Variants in WWOX observed in about 807,000 individuals in gnomAD.
WWOX encodes WW domain-containing oxidoreductase.
In WWOX, 69 loss-of-function variants were observed where a neutral mutation model predicts 46.2. That is an observed-to-expected ratio of 1.49 (90% confidence interval 1.23 to 1.82). The LOEUF (loss-of-function observed/expected upper bound fraction) is 1.82, where lower values mean the gene tolerates loss of function less well. Ranked by LOEUF, WWOX falls within the 40% of genes most tolerant of loss-of-function variation. The probability of loss-of-function intolerance (pLI) is 0.00; values close to 1 mark genes in which losing one functional copy is unlikely to be tolerated. For synonymous variants in WWOX, 359 were observed against 202.6 expected, an observed-to-expected ratio of 1.77 and a Z score of -6.56; for missense variants, 919 against 542.6, an observed-to-expected ratio of 1.69 and a Z score of -6.89.
chr16:78,844,360 T>C (rs1314520335), intron 8 of WWOX, among the ~76,000 whole-genome samples: 1 of 152,184 alleles, frequency 6.6e-6, no homozygotes, highest in Non-Finnish European at 1.5e-5. Flanking sequence ...TTATCTACCA[T>C]ATGCCTGGGA....
At chr16:78,210,398 C>G (rs72806824) in intron 5 of WWOX, among the ~76,000 whole-genome samples, 8,933 of 152,202 alleles carry the variant, frequency 0.059, 329 homozygotes, top group Non-Finnish European at 0.08. Context: ...AGGCTAATGA[C>G]AAAGCCCTGC....
intron 8 of WWOX, among the ~76,000 whole-genome samples, chr16:78,702,116 ATATATATT>A (rs1567501861): frequency 3.9e-5 from 5 of 128,742 alleles, no homozygotes; most frequent in African/African-American, 1.1e-4. Flanking sequence ...ATATATATAT[ATATATATT>A]TATTTATTTT....
intron 8 of WWOX, among the ~76,000 whole-genome samples, chr16:79,007,309 T>A (rs1240351324): frequency 6.6e-6 from 1 of 152,158 alleles, no homozygotes; most frequent in Non-Finnish European, 1.5e-5. Flanking sequence ...GGAGGGCCCC[T>A]GAGAAACTCT....
intron 8 of WWOX, among the ~76,000 whole-genome samples, chr16:78,710,522 TA>T (rs1325262682): frequency 2.7e-5 from 3 of 109,576 alleles, no homozygotes; most frequent in Non-Finnish European, 3.9e-5. Context: ...ATTTTATATT[TA>T]AAAATATTTA....
chr16:78,381,054 C>G (rs1232905874), intron 5 of WWOX, among the ~76,000 whole-genome samples: 2 of 152,148 alleles, frequency 1.3e-5, no homozygotes, highest in East Asian at 1.9e-4. Context: ...TTCCTGAAGT[C>G]AAGTTGCCAG....
intron 5 of WWOX, among the ~76,000 whole-genome samples, chr16:78,366,942 GTT>G (rs371756150): frequency 3.7e-5 from 5 of 136,162 alleles, no homozygotes; most frequent in Non-Finnish European, 7.9e-5. Context: ...ATTAGCTGGG[GTT>G]TTTTTTTTGT....
chr16:78,173,718 A>T (rs1190705774), intron 5 of WWOX, among the ~76,000 whole-genome samples: 8 of 152,180 alleles, frequency 5.3e-5, no homozygotes, highest in African/African-American at 9.7e-5. Context: ...TGTCCAATGC[A>T]GATCTGTAAA....
chr16:78,584,682 T>C (rs2045150135), intron 8 of WWOX, among the ~76,000 whole-genome samples: 1 of 152,158 alleles, frequency 6.6e-6, no homozygotes, highest in Admixed American at 6.5e-5. Context: ...CAGGCAGGAA[T>C]TTTCCATGTG....
intron 8 of WWOX, among the ~76,000 whole-genome samples, chr16:78,638,414 C>T (rs1371830482): frequency 6.6e-6 from 1 of 152,176 alleles, no homozygotes; most frequent in Non-Finnish European, 1.5e-5. Flanking sequence ...ACCGCTACCA[C>T]CTTCCACCAC....
At chr16:78,861,305 C>T (rs1192814587) in intron 8 of WWOX, among the ~76,000 whole-genome samples, 1 of 152,234 alleles carries the variant, frequency 6.6e-6, no homozygotes, top group African/African-American at 2.4e-5. Context: ...TGCATCCATC[C>T]ATCCACCTAT....
chr16:78,858,255 A>T (rs2052614950), intron 8 of WWOX, among the ~76,000 whole-genome samples: 1 of 150,386 alleles, frequency 6.6e-6, no homozygotes, highest in Non-Finnish European at 1.5e-5. Flanking sequence ...GAAGTTCTTT[A>T]GTGGCGATTT....
chr16:78,698,151 G>C (rs1257552328), intron 8 of WWOX, among the ~76,000 whole-genome samples: 2 of 152,128 alleles, frequency 1.3e-5, no homozygotes, highest in Non-Finnish European at 2.9e-5. Context: ...GAAATTCTTT[G>C]CCCTAGGATG....
At chr16:79,162,889 C>T (rs1446054984) in intron 8 of WWOX, among the ~76,000 whole-genome samples, 3 of 152,214 alleles carry the variant, frequency 2.0e-5, no homozygotes, top group African/African-American at 4.8e-5. Flanking sequence ...TGCTCTCTGC[C>T]TCCTGTTGCT....
At chr16:78,110,892 C>A (rs906824593) in intron 3 of WWOX, among the ~76,000 whole-genome samples, 1 of 152,110 alleles carries the variant, frequency 6.6e-6, no homozygotes. Flanking sequence ...CTCTTGACCA[C>A]CGTAGTTAAG....
At chr16:78,772,748 G>T (rs1480908370) in intron 8 of WWOX, among the ~76,000 whole-genome samples, 1 of 152,202 alleles carries the variant, frequency 6.6e-6, no homozygotes, top group Non-Finnish European at 1.5e-5. Context: ...GCTAGGCGCG[G>T]TGGCTCACAC....
intron 8 of WWOX, among the ~76,000 whole-genome samples, chr16:78,550,419 A>G (rs946681589): frequency 6.6e-5 from 10 of 152,226 alleles, no homozygotes; most frequent in Middle Eastern, 3.2e-3. Context: ...TTGTGTGACA[A>G]TAAAACTTTA....
intron 5 of WWOX, among the ~76,000 whole-genome samples, chr16:78,352,848 G>A (rs542954211): frequency 2.0e-5 from 3 of 152,102 alleles, no homozygotes; most frequent in Non-Finnish European, 2.9e-5. Flanking sequence ...AGATCCTTCT[G>A]GATTGGCGGT....
chr16:78,478,229 G>T (rs997410081), intron 8 of WWOX, among the ~76,000 whole-genome samples: 2 of 152,172 alleles, frequency 1.3e-5, no homozygotes, highest in African/African-American at 4.8e-5. Context: ...AGTAAAGGCT[G>T]TTACAAAATA....
chr16:79,087,424 G>T (rs565792692), intron 8 of WWOX, among the ~76,000 whole-genome samples: 2 of 152,326 alleles, frequency 1.3e-5, no homozygotes, highest in East Asian at 3.9e-4. Flanking sequence ...GAGTCACATT[G>T]GGTGGTTTGT....
Sources: gnomAD v4.1 joint callset for allele counts (sites outside exome capture counted in the v4.1 genomes callset) on GRCh38, gnomAD v4.1.1 for gene constraint, MANE v1.5 for transcripts, NCBI Gene and HGNC (gene_info 2026-07-23, HGNC 2026-07-21) for gene names.